DNAH7: variants seen among roughly 807,000 people sequenced by gnomAD.
The protein encoded by DNAH7 is axonemal beta dynein heavy chain 7.
DNAH7 carries 397 observed loss-of-function variants against 444.6 expected under a neutral mutation model. That is an observed-to-expected ratio of 0.89 (90% CI 0.82 to 0.97). The LOEUF is 0.97. Among genes scored for constraint, DNAH7 ranks in the 50% least tolerant of loss-of-function variants. The pLI is 0.00. For missense variants in DNAH7, 4,902 were observed against 4,800.8 expected, an observed-to-expected ratio of 1.02 and a Z score of -0.62; for synonymous variants, 1,636 against 1,624.4, an observed-to-expected ratio of 1.01 and a Z score of -0.17.
At chr2:195,921,241 T>C (rs187838433) in intron 24 of DNAH7, among the ~76,000 whole-genome samples, 2 of 152,236 alleles carry the variant, frequency 1.3e-5, no homozygotes, top group African/African-American at 4.8e-5. Flanking sequence ...AGTTATTGTA[T>C]GGAAAAGACA....
chr2:195,798,620 T>C (rs913938804), intron 55 of DNAH7, among the ~76,000 whole-genome samples: 2 of 146,108 alleles, frequency 1.4e-5, no homozygotes, highest in Admixed American at 7.1e-5. Context: ...CTCGGCTCAC[T>C]GCAAGCTCAG....
chr2:195,764,325 G>A (rs1255899895), intron 61 of DNAH7, among the ~76,000 whole-genome samples: 1 of 151,966 alleles, frequency 6.6e-6, no homozygotes, highest in Non-Finnish European at 1.5e-5. Context: ...TCTTAGATGT[G>A]GAAAATAACA....
chr2:195,839,993 C>T (rs1377900747), intron 47 of DNAH7, among the ~76,000 whole-genome samples: 1 of 151,870 alleles, frequency 6.6e-6, no homozygotes, highest in Middle Eastern at 3.4e-3. Context: ...GGAGAGAAGA[C>T]TTCCCAATTC....
intron 63 of DNAH7, among the ~76,000 whole-genome samples, chr2:195,743,210 C>G (rs1052378332): frequency 6.6e-6 from 1 of 152,244 alleles, no homozygotes; most frequent in Admixed American, 6.5e-5. Context: ...AGACTGAAGG[C>G]TGCGCTGTCT....
At chr2:195,838,280 CA>C (rs1698489098) in intron 47 of DNAH7, among the ~76,000 whole-genome samples, 1 of 152,066 alleles carries the variant, frequency 6.6e-6, no homozygotes, top group Non-Finnish European at 1.5e-5. Context: ...CCTAGAGTCT[CA>C]TATTCAAAAT....
intron 49 of DNAH7, among the ~76,000 whole-genome samples, chr2:195,819,389 C>T (rs1697360531): frequency 6.6e-6 from 1 of 152,144 alleles, no homozygotes; most frequent in Non-Finnish European, 1.5e-5. Flanking sequence ...CAAAGTCATG[C>T]TCCCTACAAA....
At chr2:195,852,915 CAGAGAG>C (rs201538951) in intron 46 of DNAH7, among the ~76,000 whole-genome samples, 3,794 of 84,556 alleles carry the variant, frequency 0.045, 51 homozygotes, top group Non-Finnish European at 0.06. Context: ...CACACACACA[CAGAGAG>C]AGAGAGAGAG....
intron 1 of DNAH7, among the ~76,000 whole-genome samples, chr2:196,065,502 C>G (rs1290344543): frequency 6.6e-6 from 1 of 152,184 alleles, no homozygotes; most frequent in Non-Finnish European, 1.5e-5. Flanking sequence ...CCCTCTTCTT[C>G]CTGCTCTGTG....
intron 46 of DNAH7, among the ~76,000 whole-genome samples, chr2:195,849,469 T>C (rs1699217939): frequency 6.6e-6 from 1 of 152,194 alleles, no homozygotes; most frequent in Admixed American, 6.5e-5. Flanking sequence ...ATAAATATCA[T>C]CTGGCTATTT....
At chr2:195,843,023 CTCTTT>C (rs796455251) in intron 47 of DNAH7, among the ~76,000 whole-genome samples, 94 of 152,320 alleles carry the variant, frequency 6.2e-4, no homozygotes, top group African/African-American at 2.2e-3. Context: ...AGAGCCAAAG[CTCTTT>C]TCTGAGATAA....
At chr2:195,871,559 C>A (rs971460394) in intron 40 of DNAH7, among the ~76,000 whole-genome samples, 1 of 151,490 alleles carries the variant, frequency 6.6e-6, no homozygotes, top group African/African-American at 2.4e-5. Context: ...CTTTGCAATT[C>A]TTTTGGCATC....
intron 29 of DNAH7, 126 bp from the exon 30 acceptor site, chr2:195,895,350 G>T: frequency 3.4e-6 from 2 of 595,502 alleles, no homozygotes; most frequent in Non-Finnish European, 5.3e-6. Context: ...GCTTTATAGA[G>T]GAATAGTTCA....
Position 195,858,589 on chromosome 2 carries a change from G to A in DNAH7, c.7952C>T (p.Ala2651Val), listed in dbSNP as rs371714329. The change falls in exon 43 of 65, where the codon GCG (alanine) becomes GTG (valine). Residue 2651 changes from alanine (A) to valine (V), a missense_variant. Ala to Val is a moderately conservative substitution (Grantham distance 64). Transcript: ENST00000312428. The stretch of plus-strand genomic sequence containing the variant: ...TTTGGAAGCCATAGCTTGTTCATTC[G>A]CTATTGTTTCATCAGCTTTCACTAT... ...EKIVKADETI[A>V]NEQAMASKAI... 80 of 1,613,822 alleles carry A rather than the reference G, an allele frequency of 5.0e-5. No homozygotes were observed. The highest frequency in any genetic ancestry group is 6.7e-5 in the East Asian group (3 of 44,884).
At chr2:195,940,639 G>C (rs993784555) in intron 19 of DNAH7, among the ~76,000 whole-genome samples, 1 of 151,592 alleles carries the variant, frequency 6.6e-6, no homozygotes, top group Non-Finnish European at 1.5e-5. Context: ...CTGACAAAGG[G>C]CTAATATCCA....
chr2:195,837,690 C>T (rs1484458246), intron 47 of DNAH7, among the ~76,000 whole-genome samples: 1 of 151,936 alleles, frequency 6.6e-6, no homozygotes. Context: ...TTTATCTCTA[C>T]CCCAAGGTTA....
At chr2:195,902,302 A>G (rs1400174637) in intron 27 of DNAH7, 3 of 152,188 alleles carry the variant, frequency 2.0e-5, no homozygotes, top group African/African-American at 7.2e-5. Flanking sequence ...AAAGAATGGA[A>G]AGAATAAAAT....
intron 12 of DNAH7, among the ~76,000 whole-genome samples, chr2:195,996,083 C>T (rs1213960227): frequency 6.6e-6 from 1 of 152,194 alleles, no homozygotes; most frequent in Non-Finnish European, 1.5e-5. Flanking sequence ...GCAGTGCTTG[C>T]ACTGTTCACT....
At chr2:195,880,241 C>T (rs1027919900) in intron 36 of DNAH7, among the ~76,000 whole-genome samples, 6 of 152,012 alleles carry the variant, frequency 3.9e-5, no homozygotes, top group African/African-American at 1.4e-4. Context: ...GTCCAGGAAT[C>T]TTAGGATATT....
chr2:195,809,588 T>C (rs1696867147), intron 52 of DNAH7, among the ~76,000 whole-genome samples, 157 bp downstream of exon 52: 1 of 152,172 alleles, frequency 6.6e-6, no homozygotes, highest in Admixed American at 6.5e-5. Context: ...TTCTGTGAAA[T>C]TTATCCTCCT....
Sources: gnomAD v4.1 joint callset for allele counts (sites outside exome capture counted in the v4.1 genomes callset) on GRCh38, gnomAD v4.1.1 for gene constraint, MANE v1.5 for transcripts, NCBI Gene and HGNC (gene_info 2026-07-23, HGNC 2026-07-21) for gene names.